Variants in FBXO15 observed in about 807,000 individuals in gnomAD.
FBXO15 encodes F-box only protein 15.
Under a neutral mutation model 49.5 loss-of-function variants are expected in FBXO15, and 30 were observed. The ratio of observed to expected loss-of-function variants is 0.61; its 90% confidence interval spans 0.45 to 0.82. FBXO15 has a LOEUF of 0.82. Ranked by LOEUF, FBXO15 falls within the 40% of genes least tolerant of loss-of-function variation. FBXO15 has a pLI of 0.00. For synonymous variants in FBXO15, 250 were observed against 232.7 expected, an observed-to-expected ratio of 1.07 and a Z score of -0.68; for missense variants, 591 against 631.5, an observed-to-expected ratio of 0.94 and a Z score of 0.69.
Position 74,140,192 on chromosome 18 carries a change from T to G in FBXO15, c.227+10A>C. On this transcript the variant is annotated intron_variant, in intron 2 of 9. Coordinates refer to ENST00000419743, the MANE Select transcript of FBXO15 (RefSeq NM_001142958.2). ...GCCCCCAAAAGTGACAGTCTACTTC[T>G]GCTACTTACCCATCCAGGAACCCAG... 3 of 1,549,652 alleles carry G rather than the reference T, an allele frequency of 1.9e-6. No individual in the cohort carries two copies. The highest frequency in any genetic ancestry group is 2.6e-6 in the Non-Finnish European group (3 of 1,146,142).
chr18:74,145,396 C>G (rs1202719923), intron 1 of FBXO15, among the ~76,000 whole-genome samples: 4 of 152,062 alleles, frequency 2.6e-5, no homozygotes, highest in African/African-American at 9.7e-5. Context: ...GTTTACAAGG[C>G]TAAGGCTCTA....
Position 74,075,569 on chromosome 18 carries a change from G to A in FBXO15, c.1264-1839C>T, listed in dbSNP as rs540808408. 6.6e-6 allele frequency among the ~76,000 whole-genome samples: 1 copy of A among 152,250 alleles called. No individual in the cohort carries two copies. Among genetic ancestry groups the A allele is most frequent in the African/African-American group, 2.4e-5 (1 of 41,552 alleles). ...CAACCCTCTCCAAAGAGCTGTCTCC[G>A]CTGGATTTGTCCATTAATACCCATT... On this transcript the variant is annotated intron_variant, in intron 9 of 9. Transcript: ENST00000419743. This position sits in a 1 kb window ranked among gnomAD's most constrained non-coding sequence, Gnocchi z 4.1.
chr18:74,125,111 G>C (rs1914651110), intron 6 of FBXO15, among the ~76,000 whole-genome samples: 1 of 152,182 alleles, frequency 6.6e-6, no homozygotes, highest in Non-Finnish European at 1.5e-5. Flanking sequence ...AGCTGACACT[G>C]ATGGGCATAG....
chr18:74,128,206 A>G (rs1257144416), intron 5 of FBXO15, among the ~76,000 whole-genome samples: 1 of 152,200 alleles, frequency 6.6e-6, no homozygotes, highest in Non-Finnish European at 1.5e-5. Context: ...TGGATTTGCC[A>G]GCACCAAGAG....
Position 74,129,554 on chromosome 18 carries a change from CATG to C in FBXO15, c.633_635del (p.Ile211del). On this transcript the variant is annotated inframe_deletion, in exon 5 of 10. Coordinates refer to ENST00000419743, the MANE Select transcript of FBXO15 (RefSeq NM_001142958.2). ...CATTTATGGAAAGATCAACATGCTCCATGATATATTCTTTTCCACCTTTTTCTT... is the reference window on the plus strand; with the variant it reads ...CATTTATGGAAAGATCAACATGCTCCATATATTCTTTTCCACCTTTTTCTT... 6 of 1,613,204 alleles carry C rather than the reference CATG, an allele frequency of 3.7e-6. No homozygotes were observed. The highest frequency in any genetic ancestry group is 5.1e-6 in the Non-Finnish European group (6 of 1,179,888).
At chr18:74,119,160 G>T (rs749524138) in intron 8 of FBXO15, among the ~76,000 whole-genome samples, 2 of 152,220 alleles carry the variant, frequency 1.3e-5, no homozygotes, top group Non-Finnish European at 2.9e-5. Flanking sequence ...GCTCTGCTCT[G>T]CAGCATCCTG....
intron 8 of FBXO15, among the ~76,000 whole-genome samples, chr18:74,119,703 G>A (rs916817189): frequency 8.5e-5 from 13 of 152,154 alleles, no homozygotes; most frequent in African/African-American, 2.9e-4. Flanking sequence ...ATACAGTCAA[G>A]GAACAGAGAG....
intron 1 of FBXO15, among the ~76,000 whole-genome samples, chr18:74,146,216 A>G (rs1979401419): frequency 6.6e-6 from 1 of 152,262 alleles, no homozygotes; most frequent in South Asian, 2.1e-4. Context: ...ATTTATACAT[A>G]TTCACATTTT....
intron 3 of FBXO15, among the ~76,000 whole-genome samples, chr18:74,133,744 G>A (rs1239162009): frequency 6.6e-6 from 1 of 152,168 alleles, no homozygotes; most frequent in African/African-American, 2.4e-5. Context: ...AGAAAACCAA[G>A]GCGAGCCAAC....
intron 8 of FBXO15, among the ~76,000 whole-genome samples, chr18:74,120,223 A>T (rs553431195): frequency 6.6e-6 from 1 of 152,302 alleles, no homozygotes; most frequent in Admixed American, 6.5e-5. Flanking sequence ...ATAAAACAGC[A>T]AAAAAGTACA....
intron 1 of FBXO15, among the ~76,000 whole-genome samples, chr18:74,145,346 T>A (rs1313178622): frequency 1.3e-5 from 2 of 151,892 alleles, no homozygotes; most frequent in African/African-American, 2.4e-5. Context: ...TGTTTTGTTT[T>A]TTCACAATTA....
chr18:74,113,482 C>A (rs1943917), intron 8 of FBXO15, among the ~76,000 whole-genome samples: 13,305 of 152,124 alleles, frequency 0.087, 817 homozygotes, highest in Admixed American at 0.2. Context: ...ACATTGTCCA[C>A]TCTAGTGCAG....
At chr18:74,122,848 G>A (rs1914529449) in intron 8 of FBXO15, 1 of 152,332 alleles carries the variant, frequency 6.6e-6, no homozygotes, top group African/African-American at 2.4e-5. Flanking sequence ...TCAGATAAGT[G>A]AGAATGGGGC....
At chr18:74,146,308 A>G (rs1313908683) in intron 1 of FBXO15, among the ~76,000 whole-genome samples, 2 of 152,234 alleles carry the variant, frequency 1.3e-5, no homozygotes, top group East Asian at 1.9e-4. Context: ...CTTTGACCAT[A>G]GTCAATCATT....
chr18:74,094,893 T>C, intron 8 of FBXO15, among the ~76,000 whole-genome samples: 1 of 152,262 alleles, frequency 6.6e-6, no homozygotes, highest in African/African-American at 2.4e-5. Context: ...ATCCATTGTT[T>C]AGTGTAGCCA....
intron 9 of FBXO15, among the ~76,000 whole-genome samples, chr18:74,081,362 A>T (rs182190695): frequency 6.8e-4 from 103 of 152,348 alleles, no homozygotes; most frequent in African/African-American, 2.4e-3. Flanking sequence ...GCACAAGGAC[A>T]GAAGAAAGCA....
chr18:74,081,517 A>G (rs2145105023), intron 9 of FBXO15, among the ~76,000 whole-genome samples: 1 of 152,358 alleles, frequency 6.6e-6, no homozygotes, highest in Non-Finnish European at 1.5e-5. Context: ...AAGAATTTAT[A>G]ACTGCAATAA....
chr18:74,110,646 C>T (rs138141303), intron 8 of FBXO15, among the ~76,000 whole-genome samples: 1 of 150,710 alleles, frequency 6.6e-6, no homozygotes, highest in East Asian at 1.9e-4. Context: ...AAAAACAAGA[C>T]CTAACTATAT....
At chr18:74,078,170 G>A (rs752345541) in intron 9 of FBXO15, among the ~76,000 whole-genome samples, 1 of 152,238 alleles carries the variant, frequency 6.6e-6, no homozygotes, top group East Asian at 1.9e-4. Context: ...CAAGAGCTGG[G>A]AGCTGACTCT....
Sources: gnomAD v4.1 joint callset for allele counts (sites outside exome capture counted in the v4.1 genomes callset) on GRCh38, gnomAD v4.1.1 for gene constraint, Gnocchi (gnomAD v3.1) non-coding constraint, MANE v1.5 for transcripts, NCBI Gene and HGNC (gene_info 2026-07-23, HGNC 2026-07-21) for gene names.